The following FBN1 variants were observed in gnomAD, a reference collection of about 807,000 sequenced individuals.
FBN1 encodes fibrillin-1.
FBN1 carries 29 observed loss-of-function variants against 365.1 expected under a neutral mutation model. That is an observed-to-expected ratio of 0.08 (90% CI 0.06 to 0.11). The LOEUF is 0.11. FBN1 is among the 10% of genes least tolerant of loss of function. The pLI is 1.00. For synonymous variants in FBN1, 1,210 were observed against 1,270.5 expected, an observed-to-expected ratio of 0.95 and a Z score of 1.01; for missense variants, 2,476 against 3,703.2, an observed-to-expected ratio of 0.67 and a Z score of 8.60.
At chr15:48,567,997 A>T (rs988795818) in intron 6 of FBN1, among the ~76,000 whole-genome samples, 1 of 61,912 alleles carries the variant, frequency 1.6e-5, no homozygotes, top group Admixed American at 1.8e-4. Flanking sequence ...AAGTATACAG[A>T]TAAGAAAGAA....
chr15:48,449,426 G>A (rs1390278861), intron 45 of FBN1, among the ~76,000 whole-genome samples: 2 of 152,092 alleles, frequency 1.3e-5, no homozygotes, highest in African/African-American at 2.4e-5. Flanking sequence ...TCTTCACCAA[G>A]TATTCACGTC....
chr15:48,503,845 G>A lies in FBN1; in HGVS notation c.2055C>T (p.Cys685=), dbSNP rs140603. 874 of 1,614,158 alleles carry A rather than the reference G, an allele frequency of 5.4e-4. 5 individuals carry two copies. In the African/African-American group the frequency reaches 9.6e-3, roughly 18 times the overall value. The change falls in exon 17 of 66, where the codon TGC becomes TGT. Residue 685 remains cysteine, a synonymous_variant. Transcript: ENST00000316623. ...CCCCAAATGCATACTCAGTGCTGGC[G>A]CAACAGCATTCAGATTTAGTGACAG... ...FGAVTKSECC[C]ASTEYAFGEP... is the part of the protein sequence containing the mutation.
chr15:48,627,071 AG>A (rs1889899051), intron 2 of FBN1, among the ~76,000 whole-genome samples: 1 of 152,212 alleles, frequency 6.6e-6, no homozygotes, highest in African/African-American at 2.4e-5. Context: ...TAACATTCCA[AG>A]GTTAGTGTTA....
chr15:48,633,177 T>C (rs1268706867), intron 2 of FBN1, among the ~76,000 whole-genome samples: 1 of 152,224 alleles, frequency 6.6e-6, no homozygotes, highest in Non-Finnish European at 1.5e-5. Flanking sequence ...CATTGGGTCC[T>C]ATTCAAACGC....
intron 6 of FBN1, among the ~76,000 whole-genome samples, chr15:48,558,437 T>C (rs904431607): frequency 5.9e-5 from 9 of 152,158 alleles, no homozygotes; most frequent in Non-Finnish European, 1.3e-4. Flanking sequence ...CCCCCAAGTA[T>C]GGTGAAGGGA....
rs1034030045 is a variant in FBN1 at position 48,409,392 on chromosome 15, T to C, written c.*1598A>G. ...AAAGATTTTTGAGAGCACTTTCCTGTGTCCTACCTAGTTTCTCCGCCCACC... is the reference window on the plus strand; with the variant it reads ...AAAGATTTTTGAGAGCACTTTCCTGCGTCCTACCTAGTTTCTCCGCCCACC... On this transcript the variant is annotated 3_prime_UTR_variant, in exon 66 of 66. Coordinates refer to ENST00000316623, the MANE Select transcript of FBN1 (RefSeq NM_000138.5). 6.6e-6 allele frequency: 1 copy of C among 152,208 alleles called. No homozygotes were observed. Among genetic ancestry groups the C allele is most frequent in the East Asian group, 1.9e-4 (1 of 5,200 alleles). 9.4% of individuals were successfully genotyped at this position (152,208 alleles called of 1,614,324 possible).
intron 49 of FBN1, among the ~76,000 whole-genome samples, chr15:48,442,535 C>T (rs1255123998): frequency 6.6e-6 from 1 of 152,130 alleles, no homozygotes; most frequent in African/African-American, 2.4e-5. Context: ...AGAATTGTGG[C>T]ATGTTTTCTT....
At position 48,499,864 on chromosome 15, in the gene FBN1, T is replaced by C. The variant is rs1050738169; in HGVS notation, c.2114-826A>G. Among the ~76,000 whole-genome samples, 3 of 152,232 alleles carry C rather than the reference T, an allele frequency of 2.0e-5. No individual in the cohort carries two copies. In the East Asian group the frequency reaches 5.8e-4, roughly 29 times the overall value. On this transcript the variant is annotated intron_variant, in intron 17 of 65. Coordinates refer to ENST00000316623, the MANE Select transcript of FBN1 (RefSeq NM_000138.5). ...TGGCAAACACAGTCTCATGGTCATA[T>C]GTAAATCATCTGTGCTTAAGTGGAA...
chr15:48,641,065 A>G (rs1890188870), intron 2 of FBN1: 1 of 152,238 alleles, frequency 6.6e-6, no homozygotes, highest in Non-Finnish European at 1.5e-5. Flanking sequence ...AAACTACTAT[A>G]CATTTATTAT....
chr15:48,419,151 G>T (rs532200011), intron 63 of FBN1, among the ~76,000 whole-genome samples: 1 of 152,150 alleles, frequency 6.6e-6, no homozygotes, highest in African/African-American at 2.4e-5. Context: ...AGATTGATGA[G>T]AGCAATTTGG....
Position 48,596,311 on chromosome 15 carries a change from G to A in FBN1, c.510C>T (p.Tyr170=), listed in dbSNP as rs111671429. ...TTTCACACTGGGGTCCAGTAAATCC[G>A]TAAGTGCATGCACATCGATTTGGGG... The part of the protein sequence containing the change: ...CVAPNRCACT[Y]GFTGPQCERD... Residue 170 remains tyrosine (Y), a synonymous_variant, in exon 6 of 66, where the codon TAC becomes TAT. Coordinates refer to ENST00000316623, the MANE Select transcript of FBN1 (RefSeq NM_000138.5). 1,475 of 1,613,972 alleles carry A rather than the reference G, an allele frequency of 9.1e-4. 1 individual carries two copies. The highest frequency in any genetic ancestry group is 1.1e-3 in the Non-Finnish European group (1,336 of 1,179,854).
chr15:48,541,537 G>A (rs2044057545), intron 6 of FBN1, among the ~76,000 whole-genome samples: 1 of 152,144 alleles, frequency 6.6e-6, no homozygotes, highest in Admixed American at 6.5e-5. Flanking sequence ...GTTTTCAAAT[G>A]TCATTCCGAT....
chr15:48,539,739 T>C (rs1253503637), intron 6 of FBN1, among the ~76,000 whole-genome samples: 3 of 152,034 alleles, frequency 2.0e-5, no homozygotes, highest in African/African-American at 7.2e-5. Context: ...CTGCATGATA[T>C]AGCCCCACCC....
chr15:48,438,504 A>C (rs2141242207), intron 50 of FBN1, among the ~76,000 whole-genome samples: 1 of 152,216 alleles, frequency 6.6e-6, no homozygotes, highest in South Asian at 2.1e-4. Context: ...TGAAGCAGAT[A>C]CTCCCGGAGA....
rs748642981 is a variant in FBN1 at position 48,495,602 on chromosome 15, AG to A, written c.2420-15del. 5 of 1,613,956 alleles carry A rather than the reference AG, an allele frequency of 3.1e-6. No individual in the cohort carries two copies. Among genetic ancestry groups the A allele is most frequent in the Non-Finnish European group, 4.2e-6 (5 of 1,179,988 alleles). On this transcript the variant is annotated splice_polypyrimidine_tract_variant and intron_variant, in intron 20 of 65. Transcript: ENST00000316623. ...ATTCATCAATGTCTGAAACAAAAAC[AG>A]GTCTACATTACTGCTAAAATCTAGT...
intron 24 of FBN1, among the ~76,000 whole-genome samples, chr15:48,492,096 T>A (rs1444536704): frequency 6.6e-6 from 1 of 152,204 alleles, no homozygotes; most frequent in Non-Finnish European, 1.5e-5. Context: ...CCTGTCCTTC[T>A]GGCCAATGTC....
At chr15:48,545,175 A>G (rs2141367074) in intron 6 of FBN1, among the ~76,000 whole-genome samples, 1 of 152,340 alleles carries the variant, frequency 6.6e-6, no homozygotes, top group South Asian at 2.1e-4. Flanking sequence ...ATCCAAAAAC[A>G]AGATTAGTAG....
chr15:48,473,169 A>G (rs1017404820), intron 34 of FBN1, among the ~76,000 whole-genome samples: 4 of 152,226 alleles, frequency 2.6e-5, no homozygotes, highest in East Asian at 3.8e-4. Flanking sequence ...GAATTTGAAT[A>G]TGTTCTCAAA....
At chr15:48,612,927 A>G (rs1033198197) in intron 3 of FBN1, 83 bp downstream of exon 3, 18 of 996,856 alleles carry the variant, frequency 1.8e-5, no homozygotes, top group Non-Finnish European at 2.6e-5. Flanking sequence ...GTACAGTTAC[A>G]AAAGGCCACA....
Sources: gnomAD v4.1 joint callset for allele counts (sites outside exome capture counted in the v4.1 genomes callset) on GRCh38, gnomAD v4.1.1 for gene constraint, MANE v1.5 for transcripts, NCBI Gene and HGNC (gene_info 2026-07-23, HGNC 2026-07-21) for gene names.